CCSER1: variants seen among roughly 807,000 people sequenced by gnomAD.
The protein encoded by CCSER1 is coiled-coil serine rich protein 1, also known as serine-rich coiled-coil domain-containing protein 1.
Under a neutral mutation model 82.0 loss-of-function variants are expected in CCSER1, and 41 were observed. That is an observed-to-expected ratio of 0.50 (90% confidence interval 0.39 to 0.65). The LOEUF (loss-of-function observed/expected upper bound fraction) is 0.65. CCSER1 is among the 30% of genes least tolerant of loss of function. The pLI, the probability that CCSER1 is intolerant of heterozygous loss-of-function variation, is 0.00. For synonymous variants in CCSER1, 414 were observed against 383.9 expected (o/e 1.08, Z -0.92); for missense variants, 1,119 against 1,064.2 (o/e 1.05, Z -0.72).
chr4:91,053,992 A>C (rs570994273), intron 9 of CCSER1, among the ~76,000 whole-genome samples: 1 of 152,318 alleles, frequency 6.6e-6, no homozygotes, highest in East Asian at 1.9e-4. Context: ...GTTGCAATAA[A>C]CATCTGTATA....
At chr4:91,198,199 G>A (rs2149061988) in intron 10 of CCSER1, among the ~76,000 whole-genome samples, 1 of 152,090 alleles carries the variant, frequency 6.6e-6, no homozygotes, top group East Asian at 1.9e-4. Flanking sequence ...CTTAAGCAGA[G>A]ACAGTGAAAA....
At chr4:90,948,596 T>C (rs565172901) in intron 9 of CCSER1, among the ~76,000 whole-genome samples, 2 of 152,160 alleles carry the variant, frequency 1.3e-5, no homozygotes, top group South Asian at 4.1e-4. Flanking sequence ...TATGAGAATA[T>C]ATCAATTCTC....
chr4:91,010,866 A>G lies in CCSER1; in HGVS notation c.2173-75084A>G, dbSNP rs916017094. Among the ~76,000 whole-genome samples, 39 of 133,982 alleles carry G rather than the reference A, an allele frequency of 2.9e-4. 2 individuals carry two copies. The highest frequency in any genetic ancestry group is 9.7e-4 in the African/African-American group (39 of 40,192). The allele number at this position is 133,982 out of a possible 152,430, so 87.9% of individuals were successfully genotyped here. A position where few individuals can be genotyped will look rare whatever the true frequency, so the allele number is the denominator to read the frequency against. ...ATCTGTACTCTCTTGTATCTCACTG[A>G]GTTTCCTTAAGATCATGATTTTGAA... On this transcript the variant is annotated intron_variant, in intron 9 of 10. Transcript: ENST00000509176.
intron 10 of CCSER1, among the ~76,000 whole-genome samples, chr4:91,315,973 A>T (rs937660901): frequency 6.6e-6 from 1 of 151,972 alleles, no homozygotes; most frequent in African/African-American, 2.4e-5. Context: ...GGTGGGAGGT[A>T]ATTTAATCAT....
At chr4:91,130,139 T>C (rs1207181926) in intron 10 of CCSER1, 3 of 151,940 alleles carry the variant, frequency 2.0e-5, no homozygotes, top group Non-Finnish European at 2.9e-5. Context: ...GCTGTGTCCA[T>C]TATATTTAAA....
chr4:91,335,995 A>G (rs1469689604), intron 10 of CCSER1, among the ~76,000 whole-genome samples: 1 of 152,098 alleles, frequency 6.6e-6, no homozygotes, highest in African/African-American at 2.4e-5. Context: ...TTCTCTTATC[A>G]TAGCTTTGAT....
At chr4:91,082,732 C>T (rs1281022057) in intron 9 of CCSER1, among the ~76,000 whole-genome samples, 4 of 151,912 alleles carry the variant, frequency 2.6e-5, no homozygotes, top group African/African-American at 9.7e-5. Flanking sequence ...CAAACAACCC[C>T]ATCAAAAAGT....
chr4:91,507,609 CT>C (rs55879886), intron 10 of CCSER1, among the ~76,000 whole-genome samples: 11,935 of 150,198 alleles, frequency 0.079, 596 homozygotes, highest in South Asian at 0.19. Flanking sequence ...ATTAGGTTGT[CT>C]TTTTTTTTGT....
chr4:90,178,656 T>C (rs1178807880), intron 1 of CCSER1, among the ~76,000 whole-genome samples: 1 of 152,108 alleles, frequency 6.6e-6, no homozygotes. Context: ...GGTGGGGAGA[T>C]GATAAACCAT....
At position 90,308,628 on chromosome 4, in the gene CCSER1, A is replaced by G. The variant is rs1734744965; in HGVS notation, c.344A>G (p.His115Arg). 1 of 1,613,778 alleles carries G rather than the reference A, an allele frequency of 6.2e-7. No individual in the cohort carries two copies. Among genetic ancestry groups the G allele is most frequent in the Admixed American group, 1.7e-5 (1 of 59,950 alleles). ...GAACATATTAAGACCAGGGGAAGAC[A>G]TTCTGTTGGTTTTAGTAGTTCACGA... Reference protein sequence around the residue: ...LEEHIKTRGRHSVGFSSSRNK... With the variant: ...LEEHIKTRGRRSVGFSSSRNK... Residue 115 changes from histidine (H) to arginine (R), a missense_variant, in exon 2 of 11, where the codon CAT becomes CGT. Physicochemically the swap from His to Arg is conservative, Grantham distance 29 (BLOSUM62 0). Transcript: ENST00000509176.
rs184598953 is a variant in CCSER1, at chr4:91,483,107, A to G, written c.2218-115465A>G. Among the ~76,000 whole-genome samples, 343 of 152,176 alleles carry G rather than the reference A, an allele frequency of 2.3e-3. 3 individuals carry two copies. The highest frequency in any genetic ancestry group is 0.015 in the South Asian group (70 of 4,826). On this transcript the variant is annotated intron_variant, in intron 10 of 10. Coordinates refer to ENST00000509176, the MANE Select transcript of CCSER1 (RefSeq NM_001145065.2). ...TTAAAGTATAATAATAAAAAAAAGG[A>G]AAGAAAGAAAAAAATTAAATGACTT...
At chr4:90,198,050 T>C (rs186172972) in intron 1 of CCSER1, among the ~76,000 whole-genome samples, 101 of 152,282 alleles carry the variant, frequency 6.6e-4, no homozygotes, top group African/African-American at 2.3e-3. Context: ...CATAAACATA[T>C]ACACCTATTA....
chr4:90,888,800 T>C (rs572069133), intron 8 of CCSER1, among the ~76,000 whole-genome samples: 1 of 152,232 alleles, frequency 6.6e-6, no homozygotes, highest in East Asian at 1.9e-4. Flanking sequence ...CAGTACAGGG[T>C]CACTTGATGT....
At chr4:90,543,403 A>G (rs910159542) in intron 5 of CCSER1, among the ~76,000 whole-genome samples, 1 of 152,192 alleles carries the variant, frequency 6.6e-6, no homozygotes, top group Non-Finnish European at 1.5e-5. Context: ...TAGAGCAGTC[A>G]TACTGTGCTA....
chr4:90,792,352 G>A lies in CCSER1; in HGVS notation c.2011-23410G>A, dbSNP rs550364948. On this transcript the variant is annotated intron_variant, in intron 7 of 10. Coordinates refer to ENST00000509176, the MANE Select transcript of CCSER1 (RefSeq NM_001145065.2). ...GTATTAGGAAAGTCTTTTCTCTCTAGTTTTTACTCTCCTTTGTTATCATAT... is the reference window on the plus strand; with the variant it reads ...GTATTAGGAAAGTCTTTTCTCTCTAATTTTTACTCTCCTTTGTTATCATAT... Among the ~76,000 whole-genome samples, 6 of 152,216 alleles carry A rather than the reference G, an allele frequency of 3.9e-5. No homozygotes were observed. In the South Asian group the frequency reaches 1.2e-3, roughly 32 times the overall value.
intron 1 of CCSER1, among the ~76,000 whole-genome samples, chr4:90,178,247 A>G (rs1167243872): frequency 6.6e-6 from 1 of 152,144 alleles, no homozygotes; most frequent in Non-Finnish European, 1.5e-5. Flanking sequence ...AGGATTTTTC[A>G]GAGTTGGAAT....
intron 5 of CCSER1, among the ~76,000 whole-genome samples, chr4:90,474,156 T>A (rs369668746): frequency 0.015 from 2,058 of 135,862 alleles, 32 homozygotes; most frequent in African/African-American, 0.047. Flanking sequence ...AAAAAAAAAA[T>A]GCAAAAGTGT....
At chr4:90,938,630 T>C in intron 9 of CCSER1, 1 of 343,440 alleles carries the variant, frequency 2.9e-6, no homozygotes, top group Non-Finnish European at 5.9e-6. Flanking sequence ...AATTTCATTT[T>C]ATTTTATTGA....
chr4:91,089,655 G>T (rs4635787), intron 10 of CCSER1, among the ~76,000 whole-genome samples: 47,238 of 151,978 alleles, frequency 0.31, 8,211 homozygotes, highest in East Asian at 0.46. Flanking sequence ...ATCATTTGAA[G>T]AAGTACAGGT....
Sources: gnomAD v4.1 joint callset for allele counts (sites outside exome capture counted in the v4.1 genomes callset) on GRCh38, gnomAD v4.1.1 for gene constraint, MANE v1.5 for transcripts, NCBI Gene and HGNC (gene_info 2026-07-23, HGNC 2026-07-21) for gene names.